The following G3BP2 variants were observed in gnomAD, a reference collection of about 807,000 sequenced individuals.
G3BP2 encodes the protein G3BP stress granule assembly factor 2, also known as ras GTPase-activating protein-binding protein 2.
G3BP2 carries 11 observed loss-of-function variants against 56.7 expected under a neutral mutation model. The observed-to-expected ratio is 0.19, with a 90% CI of 0.12 to 0.32. The LOEUF (loss-of-function observed/expected upper bound fraction) is 0.32. Ranked by LOEUF, G3BP2 falls within the 10% of genes least tolerant of loss-of-function variation. G3BP2 has a pLI of 1.00. For missense variants in G3BP2, 340 were observed against 610.9 expected, an observed-to-expected ratio of 0.56 and a Z score of 4.67; for synonymous variants, 165 against 191.6, an observed-to-expected ratio of 0.86 and a Z score of 1.15.
intron 8 of G3BP2, among the ~76,000 whole-genome samples, chr4:75,651,888 A>C (rs1731721666): frequency 6.6e-6 from 1 of 152,238 alleles, no homozygotes; most frequent in African/African-American, 2.4e-5. Context: ...TATTTTATTC[A>C]AGAAATTAAC....
intron 3 of G3BP2, among the ~76,000 whole-genome samples, chr4:75,701,944 A>T (rs567429887): frequency 1.1e-4 from 17 of 152,310 alleles, no homozygotes; most frequent in Admixed American, 9.2e-4. Flanking sequence ...CCTATCTAAA[A>T]GCAGAGTCTC....
At chr4:75,646,265 T>C (rs1316355885) in intron 11 of G3BP2, 73 bp downstream of exon 11, 1 of 728,464 alleles carries the variant, frequency 1.4e-6, no homozygotes, top group East Asian at 2.7e-5. Flanking sequence ...TTTTCTATGG[T>C]TTTTAAATAC....
chr4:75,653,447 C>A (rs1023807094), intron 8 of G3BP2, among the ~76,000 whole-genome samples: 1 of 151,662 alleles, frequency 6.6e-6, no homozygotes, highest in Non-Finnish European at 1.5e-5. Flanking sequence ...AGACAAAAAG[C>A]AGAATACTAG....
chr4:75,706,171 A>G (rs760505822), intron 3 of G3BP2, among the ~76,000 whole-genome samples: 1 of 152,180 alleles, frequency 6.6e-6, no homozygotes, highest in Non-Finnish European at 1.5e-5. Context: ...TGGAAACTCT[A>G]CTAAGATCCT....
At position 75,694,707 on chromosome 4, in the gene G3BP2, C is replaced by A. The variant is rs541409797; in HGVS notation, c.-25+26170G>T. On this transcript the variant is annotated intron_variant, in intron 3 of 3. Coordinates refer to the G3BP2 transcript ENST00000499709. ...GAGCCAAGATGGCGCCATTGCACTCCAGCCTGGGCAACAAGAGCGAGACTC... is the reference window on the plus strand; with the variant it reads ...GAGCCAAGATGGCGCCATTGCACTCAAGCCTGGGCAACAAGAGCGAGACTC... 8.6e-5 allele frequency: 82 copies of A among 952,904 alleles called. No homozygotes were observed. In the African/African-American group the frequency reaches 1.4e-3, roughly 16 times the overall value. 59.0% of individuals were successfully genotyped at this position (952,904 alleles called of 1,614,324 possible).
At chr4:75,648,561 C>T (rs776401861) in intron 9 of G3BP2, 78 bp downstream of exon 9, 188 of 733,628 alleles carry the variant, frequency 2.6e-4, no homozygotes, top group Non-Finnish European at 4.2e-4. Flanking sequence ...TAGAACGCAT[C>T]ATAGTTTTTT....
chr4:75,665,648 CACAA>C (rs71594934), intron 1 of G3BP2, among the ~76,000 whole-genome samples: 1,245 of 79,410 alleles, frequency 0.016, 21 homozygotes, highest in African/African-American at 0.077. Flanking sequence ...CACACAAACA[CACAA>C]ACAAACACAC....
At chr4:75,702,958 T>C (rs1016776517) in intron 3 of G3BP2, among the ~76,000 whole-genome samples, 4 of 152,214 alleles carry the variant, frequency 2.6e-5, no homozygotes, top group Non-Finnish European at 5.9e-5. Context: ...GGCCACTCCA[T>C]TGGAATACTA....
At chr4:75,677,913 C>G (rs995182347), upstream of G3BP2, among the ~76,000 whole-genome samples, 1 of 152,164 alleles carries the variant, frequency 6.6e-6, no homozygotes, top group African/African-American at 2.4e-5. Flanking sequence ...TCATGAGGGC[C>G]TCACCTTCAT....
chr4:75,677,956 G>A (rs2149061862), upstream of G3BP2, among the ~76,000 whole-genome samples: 1 of 152,334 alleles, frequency 6.6e-6, no homozygotes, highest in South Asian at 2.1e-4. Context: ...AAAGGGGATT[G>A]AGGGAGTTCA....
At chr4:75,713,551 G>C (rs1478366859) in intron 3 of G3BP2, among the ~76,000 whole-genome samples, 2 of 152,192 alleles carry the variant, frequency 1.3e-5, no homozygotes, top group African/African-American at 4.8e-5. Flanking sequence ...GGGAGGCCAA[G>C]GTGGAGGATT....
chr4:75,699,814 A>G (rs527270541), intron 3 of G3BP2, among the ~76,000 whole-genome samples: 50 of 152,284 alleles, frequency 3.3e-4, no homozygotes, highest in Non-Finnish European at 5.4e-4. Context: ...CTATTTATTC[A>G]TAAATTTATT....
chr4:75,666,230 A>T (rs1733025776), intron 1 of G3BP2, among the ~76,000 whole-genome samples: 1 of 152,194 alleles, frequency 6.6e-6, no homozygotes, highest in Non-Finnish European at 1.5e-5. Context: ...AGAGACAGGG[A>T]AGGGCAGTAG....
intron 1 of G3BP2, among the ~76,000 whole-genome samples, chr4:75,665,743 T>C (rs1290850383): frequency 2.6e-5 from 4 of 152,094 alleles, no homozygotes; most frequent in African/African-American, 4.8e-5. Flanking sequence ...ACAGTAGACT[T>C]ACCTGGTAAA....
At chr4:75,706,226 G>A (rs1353472957) in intron 3 of G3BP2, among the ~76,000 whole-genome samples, 2 of 152,142 alleles carry the variant, frequency 1.3e-5, no homozygotes, top group African/African-American at 4.8e-5. Context: ...TGGATATTGA[G>A]GCAGCATTGT....
chr4:75,722,844 A>T (rs1720229158), intron 1 of G3BP2, among the ~76,000 whole-genome samples: 2 of 152,152 alleles, frequency 1.3e-5, no homozygotes, highest in Non-Finnish European at 2.9e-5. Context: ...TTTACAGATT[A>T]AAAAAAGGGA....
intron 8 of G3BP2, 116 bp from the exon 9 acceptor site, chr4:75,648,857 TTTTAACA>T: frequency 1.6e-6 from 1 of 614,966 alleles, no homozygotes; most frequent in Non-Finnish European, 2.9e-6. Context: ...TTTAGAATGT[TTTTAACA>T]TAGTGTCCTA....
At chr4:75,715,312 C>A (rs376237518) in intron 3 of G3BP2, among the ~76,000 whole-genome samples, 3 of 145,662 alleles carry the variant, frequency 2.1e-5, no homozygotes, top group East Asian at 4.2e-4. Flanking sequence ...GAAAAAAAAA[C>A]TGTATTTATG....
At position 75,649,943 on chromosome 4, in the gene G3BP2, G is replaced by A. The variant is rs1281611015; in HGVS notation, c.826-1202C>T. On this transcript the variant is annotated intron_variant, in intron 8 of 11. Transcript: ENST00000359707. ...GGAGAATCGCTTGAACCCGGAAGAC[G>A]GAGGTTGCAGTGAGCCAAGATCACG... Among the ~76,000 whole-genome samples, 3 of 152,110 alleles carry A rather than the reference G, an allele frequency of 2.0e-5. No homozygotes were observed. The South Asian group carries it at 6.2e-4, about 32-fold the overall frequency.
Sources: gnomAD v4.1 joint callset for allele counts (sites outside exome capture counted in the v4.1 genomes callset) on GRCh38, gnomAD v4.1.1 for gene constraint, MANE v1.5 for transcripts, NCBI Gene and HGNC (gene_info 2026-07-23, HGNC 2026-07-21) for gene names.